The following IL23R variants were observed in gnomAD, a reference collection of about 807,000 sequenced individuals.
The protein encoded by IL23R is interleukin 23 receptor, also known as interleukin-23 receptor.
In IL23R, 34 loss-of-function variants were observed where a neutral mutation model predicts 56.9. That is an observed-to-expected ratio of 0.60 (90% CI 0.45 to 0.80). The LOEUF (loss-of-function observed/expected upper bound fraction) is 0.80. Ranked by LOEUF, IL23R falls within the 30% of genes least tolerant of loss-of-function variation. The probability of loss-of-function intolerance (pLI) is 0.00; values close to 1 mark genes in which losing one functional copy is unlikely to be tolerated. For missense variants in IL23R, 635 were observed against 730.0 expected (o/e 0.87, Z 1.50); for synonymous variants, 230 against 249.2 (o/e 0.92, Z 0.73).
chr1:67,168,536 C>A (rs964172382), intron 2 of IL23R, among the ~76,000 whole-genome samples: 1 of 152,052 alleles, frequency 6.6e-6, no homozygotes, highest in Non-Finnish European at 1.5e-5. Flanking sequence ...TTTCACAAAC[C>A]ACTTGTTGAT....
chr1:67,154,059 C>T (rs1002644828), intron 1 of IL23R, among the ~76,000 whole-genome samples: 4 of 152,182 alleles, frequency 2.6e-5, no homozygotes, highest in Admixed American at 6.5e-5. Context: ...TGAGCCACTG[C>T]GCCCGGCCTT....
At chr1:67,203,513 C>T (rs1648781073) in intron 5 of IL23R, among the ~76,000 whole-genome samples, 1 of 152,114 alleles carries the variant, frequency 6.6e-6, no homozygotes, top group Non-Finnish European at 1.5e-5. Flanking sequence ...TCCTCCTCCT[C>T]CACCTCTTCC....
chr1:67,206,268 C>T (rs2102635512), intron 5 of IL23R, among the ~76,000 whole-genome samples: 1 of 152,194 alleles, frequency 6.6e-6, no homozygotes, highest in Middle Eastern at 3.4e-3. Context: ...CCCACCTCGG[C>T]CTCCCAAATG....
intron 7 of IL23R, among the ~76,000 whole-genome samples, chr1:67,220,675 C>T (rs901827204): frequency 7.9e-5 from 12 of 152,098 alleles, no homozygotes; most frequent in African/African-American, 2.9e-4. Flanking sequence ...CAAGACCAGA[C>T]TGGACAAGAT....
intron 1 of IL23R, among the ~76,000 whole-genome samples, chr1:67,150,075 A>G (rs926396361): frequency 1.3e-5 from 2 of 152,050 alleles, no homozygotes; most frequent in African/African-American, 4.8e-5. Context: ...TTCCTTTTCT[A>G]TCTATAGTCT....
chr1:67,200,849 C>G lies in IL23R; in HGVS notation c.604C>G (p.Leu202Val). The G allele has an allele frequency of 2.5e-6, 4 of 1,614,080 alleles. No homozygotes were observed. The South Asian group carries it at 3.3e-5, about 13-fold the overall frequency. Residue 202 changes from leucine (L) to valine (V), a missense_variant, in exon 5 of 11, where the codon CTA (leucine) becomes GTA (valine). Transcript: ENST00000347310. Reference protein sequence around the residue: ...YLVWVQAANALGMEESKQLQI... With the variant: ...YLVWVQAANAVGMEESKQLQI... ...GGTTTGGGTCCAAGCAGCAAACGCA[C>G]TAGGCATGGAAGAGTCAAAACAACT... is the stretch of plus-strand genomic sequence containing the variant.
At chr1:67,228,010 C>CT (rs1230878028) in intron 7 of IL23R, among the ~76,000 whole-genome samples, 7 of 90,156 alleles carry the variant, frequency 7.8e-5, no homozygotes, top group Admixed American at 1.1e-4. Context: ...TTCTTTCTTT[C>CT]TTTCTTTCTT....
Position 67,236,743 on chromosome 1 carries a change from A to G in IL23R, c.986A>G (p.His329Arg). Reference protein sequence around the residue: ...VPQVTSKAFQHDTWNSGLTVA... With the variant: ...VPQVTSKAFQRDTWNSGLTVA... ...CAGGTCACATCAAAAGCATTCCAAC[A>G]TGACACATGGAATTCTGGGCTAACA... Residue 329 changes from histidine to arginine, a missense_variant, in exon 8 of 11, where the codon CAT (histidine) becomes CGT (arginine). Coordinates refer to ENST00000347310, the MANE Select transcript of IL23R (RefSeq NM_144701.3). The G allele has an allele frequency of 6.2e-7, 1 of 1,613,638 alleles. No individual in the cohort carries two copies. The highest frequency in any genetic ancestry group is 8.5e-7 in the Non-Finnish European group (1 of 1,179,554).
chr1:67,254,334 G>T (rs1204350452), intron 9 of IL23R, among the ~76,000 whole-genome samples: 3 of 151,956 alleles, frequency 2.0e-5, no homozygotes, highest in African/African-American at 4.8e-5. Context: ...CTCCCAAAGT[G>T]TTGGGATTAC....
chr1:67,189,055 C>A (rs1167379314), intron 4 of IL23R, among the ~76,000 whole-genome samples: 1 of 151,840 alleles, frequency 6.6e-6, no homozygotes, highest in Non-Finnish European at 1.5e-5. Flanking sequence ...TAATTTTATT[C>A]ATATATTTTT....
At chr1:67,255,971 C>A in intron 10 of IL23R, 44 bp downstream of exon 10, 2 of 1,024,452 alleles carry the variant, frequency 2.0e-6, no homozygotes, top group Non-Finnish European at 3.1e-6. Context: ...CAATTGAGAC[C>A]AAGAGTGCAG....
intron 4 of IL23R, among the ~76,000 whole-genome samples, chr1:67,199,143 C>A (rs937829946): frequency 1.8e-4 from 27 of 152,190 alleles, no homozygotes; most frequent in Admixed American, 1.6e-3. Flanking sequence ...CTATCACTTA[C>A]ATGATACAGT....
intron 7 of IL23R, among the ~76,000 whole-genome samples, chr1:67,225,808 C>T (rs929233984): frequency 6.6e-6 from 1 of 151,534 alleles, no homozygotes; most frequent in African/African-American, 2.4e-5. Context: ...CTGTGCCTGG[C>T]CTGAATGCTT....
chr1:67,228,526 A>T (rs185691659), intron 7 of IL23R, among the ~76,000 whole-genome samples: 128 of 151,842 alleles, frequency 8.4e-4, no homozygotes, highest in African/African-American at 2.9e-3. Context: ...TGAAGTCATC[A>T]TCTTCTATAT....
At chr1:67,193,123 C>T (rs1191135554) in intron 4 of IL23R, among the ~76,000 whole-genome samples, 1 of 152,190 alleles carries the variant, frequency 6.6e-6, no homozygotes, top group Non-Finnish European at 1.5e-5. Context: ...GCCTCAGGGC[C>T]TTTGCATGTT....
chr1:67,236,185 T>A (rs1046192335), intron 7 of IL23R, among the ~76,000 whole-genome samples: 1 of 152,226 alleles, frequency 6.6e-6, no homozygotes, highest in African/African-American at 2.4e-5. Flanking sequence ...AGAGAAGTCA[T>A]TGGTGACATC....
upstream of IL23R, among the ~76,000 whole-genome samples, chr1:67,162,487 C>A (rs1442712768): frequency 6.6e-6 from 1 of 151,964 alleles, no homozygotes; most frequent in African/African-American, 2.4e-5. Flanking sequence ...AAAAAAAAAT[C>A]CCATTTATGT....
chr1:67,259,253 G>A lies in IL23R; in HGVS notation c.*125G>A, dbSNP rs914045700. The A allele has an allele frequency of 2.2e-6, 2 of 910,778 alleles. No individual in the cohort carries two copies. The highest frequency in any genetic ancestry group is 1.7e-5 in the African/African-American group (1 of 60,368). The allele number at this position is 910,778 out of a possible 1,614,324, so 56.4% of individuals were successfully genotyped here. ...GTATTCACATACAAATCTTCACATG[G>A]ACACATGTTTTCATTTCCCTTGGAT... On this transcript the variant is annotated 3_prime_UTR_variant, in exon 11 of 11. Transcript: ENST00000347310.
intron 4 of IL23R, 152 bp from the exon 5 acceptor site, chr1:67,200,585 A>T: frequency 1.6e-6 from 1 of 638,536 alleles, no homozygotes; most frequent in Non-Finnish European, 2.8e-6. Context: ...GGGTTTCACC[A>T]TGTTGGCCAG....
Sources: allele counts gnomAD v4.1 joint callset (sites outside exome capture counted in the v4.1 genomes callset), GRCh38; gene constraint gnomAD v4.1.1; transcripts MANE v1.5; gene names NCBI Gene and HGNC (gene_info 2026-07-23, HGNC 2026-07-21).